TFCP2: variants seen among roughly 807,000 people sequenced by gnomAD.
TFCP2 encodes the protein transcription factor CP2.
A neutral mutation model predicts 73.4 loss-of-function variants in TFCP2; 33 were observed. That is an observed-to-expected ratio of 0.45 (90% CI 0.34 to 0.60). TFCP2 has a LOEUF of 0.60. Ranked by LOEUF, TFCP2 falls within the 20% of genes least tolerant of loss-of-function variation. The pLI, the probability that TFCP2 is intolerant of heterozygous loss-of-function variation, is 0.01. For missense variants in TFCP2, 352 were observed against 604.0 expected (o/e 0.58, Z 4.37); for synonymous variants, 193 against 211.6 (o/e 0.91, Z 0.76).
Position 51,170,920 on chromosome 12 carries a change from C to G in TFCP2, c.122+1381G>C, listed in dbSNP as rs150190415. ...TTCTCGAACTCCTGACCTCGTGATC[C>G]GCCCACCTCAGCCTACCAAAGTGCT... On this transcript the variant is annotated intron_variant, in intron 1 of 14. Transcript: ENST00000257915. 5.3e-5 allele frequency among the ~76,000 whole-genome samples: 8 copies of G among 152,040 alleles called. No individual in the cohort carries two copies. In the East Asian group the frequency reaches 1.5e-3, roughly 29 times the overall value.
At position 51,099,672 on chromosome 12, in the gene TFCP2, G is replaced by C. The variant is rs746437012; in HGVS notation, c.1259C>G (p.Ser420Ter). The C allele has an allele frequency of 2.5e-6, 4 of 1,614,092 alleles. No individual in the cohort carries two copies. Among genetic ancestry groups the C allele is most frequent in the Non-Finnish European group, 3.4e-6 (4 of 1,180,032 alleles). Residue 420 changes from serine to a stop codon, truncating the protein, a stop_gained, in exon 12 of 15, where the codon TCA (serine) becomes TGA (stop). Transcript: ENST00000257915. LOFTEE classifies it high-confidence loss of function. The part of the protein sequence containing the change: ...QQQQKHEDGD[S>*]NGTFFVYHAI... ...CAACCTACCGAAGAAAGTACCATTT[G>C]AGTCTCCATCCTCATGCTTCTGCTG...
At chr12:51,158,147 T>C (rs1321910555) in intron 1 of TFCP2, among the ~76,000 whole-genome samples, 2 of 152,118 alleles carry the variant, frequency 1.3e-5, no homozygotes, top group Non-Finnish European at 2.9e-5. Context: ...TAGCTAGGAC[T>C]ACAGGAATAT....
intron 1 of TFCP2, among the ~76,000 whole-genome samples, chr12:51,121,040 T>A (rs796216696): frequency 4.8e-5 from 7 of 146,932 alleles, no homozygotes; most frequent in South Asian, 2.2e-4. Context: ...AAGTTTTTTT[T>A]AAAAAAGAAA....
At chr12:51,110,168 CA>C (rs1408526052) in intron 5 of TFCP2, among the ~76,000 whole-genome samples, 1 of 152,130 alleles carries the variant, frequency 6.6e-6, no homozygotes, top group Non-Finnish European at 1.5e-5. Flanking sequence ...ATAATTACTA[CA>C]AATAAGGATT....
At chr12:51,100,193 T>C (rs1297006357) in intron 11 of TFCP2, among the ~76,000 whole-genome samples, 2 of 152,206 alleles carry the variant, frequency 1.3e-5, no homozygotes, top group African/African-American at 4.8e-5. Flanking sequence ...GTGTAAAAGT[T>C]AGAAATAGTC....
intron 13 of TFCP2, 67 bp downstream of exon 13, chr12:51,098,709 C>A: frequency 6.4e-7 from 1 of 1,554,844 alleles, no homozygotes; most frequent in Non-Finnish European, 8.8e-7. Flanking sequence ...CCCAGGAGAA[C>A]TGCTCTTGCT....
chr12:51,109,608 GAA>G (rs1940343218), intron 5 of TFCP2, among the ~76,000 whole-genome samples: 1 of 152,074 alleles, frequency 6.6e-6, no homozygotes, highest in Non-Finnish European at 1.5e-5. Context: ...GAAGATTGTA[GAA>G]AGAGGAGTCA....
At chr12:51,106,659 C>T (rs1317783074) in intron 7 of TFCP2, 46 bp from the exon 8 acceptor site, 1 of 1,492,864 alleles carries the variant, frequency 6.7e-7, no homozygotes, top group East Asian at 2.3e-5. Context: ...ACATATGACC[C>T]CAGGATTTGA....
intron 1 of TFCP2, among the ~76,000 whole-genome samples, chr12:51,137,674 T>C (rs1941091388): frequency 6.6e-6 from 1 of 152,156 alleles, no homozygotes; most frequent in Non-Finnish European, 1.5e-5. Flanking sequence ...AGGCAAAAAA[T>C]GGCAACTCGC....
chr12:51,172,384 C>T lies in TFCP2; in HGVS notation c.39G>A (p.Val13=). 1 of 1,614,174 alleles carries T rather than the reference C, an allele frequency of 6.2e-7. No individual in the cohort carries two copies. The highest frequency in any genetic ancestry group is 1.1e-5 in the South Asian group (1 of 91,066). ...WALKLPLADE[V]IESGLVQDFD... ...AGTCCTGCACCAACCCGGATTCAAT[C>T]ACTTCGTCGGCCAGAGGCAGCTTCA... The change falls in exon 1 of 15, where the codon GTG becomes GTA. Residue 13 remains valine (V), a synonymous_variant. Transcript: ENST00000257915.
Position 51,110,215 on chromosome 12 carries a change from G to A in TFCP2, c.564+662C>T, listed in dbSNP as rs908533915. ...CTACCCAAAGAACATAATCAGATAC[G>A]CAAATCAAATTTTAAGTATAAATAT... On this transcript the variant is annotated intron_variant, in intron 5 of 14. Transcript: ENST00000257915. Among the ~76,000 whole-genome samples, 8 of 152,138 alleles carry A rather than the reference G, an allele frequency of 5.3e-5. No homozygotes were observed. In the South Asian group the frequency reaches 1.7e-3, roughly 32 times the overall value.
intron 1 of TFCP2, among the ~76,000 whole-genome samples, chr12:51,128,491 A>AC (rs1566214515): frequency 6.7e-6 from 1 of 149,354 alleles, no homozygotes; most frequent in Non-Finnish European, 1.5e-5. Flanking sequence ...AAAAAAAAAA[A>AC]ACAAAAAAAA....
intron 1 of TFCP2, among the ~76,000 whole-genome samples, chr12:51,125,797 TAAAG>T (rs1940799272): frequency 2.0e-5 from 3 of 152,158 alleles, no homozygotes; most frequent in Admixed American, 2.0e-4. Flanking sequence ...GATCAAAATA[TAAAG>T]ATACAGAAAT....
intron 13 of TFCP2, among the ~76,000 whole-genome samples, chr12:51,097,994 G>A (rs1387628970): frequency 1.3e-5 from 2 of 151,676 alleles, no homozygotes; most frequent in Non-Finnish European, 2.9e-5. Context: ...CAGCCTGGGC[G>A]ACAGAGTGAG....
At chr12:51,125,199 G>A in intron 1 of TFCP2, 2 of 658,326 alleles carry the variant, frequency 3.0e-6, no homozygotes. Flanking sequence ...ATTACGTGGT[G>A]GAGAAAGGCA....
chr12:51,128,862 T>C (rs915871836), intron 1 of TFCP2, among the ~76,000 whole-genome samples: 1 of 152,190 alleles, frequency 6.6e-6, no homozygotes, highest in African/African-American at 2.4e-5. Flanking sequence ...GACAGGTATC[T>C]GGGATGGGAA....
chr12:51,117,479 T>C (rs1219573129), intron 3 of TFCP2, among the ~76,000 whole-genome samples, 192 bp downstream of exon 3: 1 of 152,168 alleles, frequency 6.6e-6, no homozygotes, highest in Non-Finnish European at 1.5e-5. Context: ...GAAAAATTCA[T>C]GTGAATACTG....
At chr12:51,123,588 TTTTTTA>T (rs1940734383) in intron 1 of TFCP2, among the ~76,000 whole-genome samples, 1 of 152,302 alleles carries the variant, frequency 6.6e-6, no homozygotes, top group East Asian at 1.9e-4. Context: ...TTTAATTCAT[TTTTTTA>T]TTTTTATTTT....
In TFCP2 at chr12:51,109,113, A is replaced by T; in HGVS notation, c.717+8T>A. 1.2e-6 allele frequency: 2 copies of T among 1,614,016 alleles called. No individual in the cohort carries two copies. The highest frequency in any genetic ancestry group is 1.7e-6 in the Non-Finnish European group (2 of 1,179,870). On this transcript the variant is annotated splice_region_variant and intron_variant, in intron 6 of 14. Coordinates refer to ENST00000257915, the MANE Select transcript of TFCP2 (RefSeq NM_005653.5). ...GAATCCAAGGGCCAGCACATTGCCC[A>T]GGAATACCTTGAAAACTTTGATCTG...
Sources: gnomAD v4.1 joint callset for allele counts (sites outside exome capture counted in the v4.1 genomes callset) on GRCh38, gnomAD v4.1.1 for gene constraint, MANE v1.5 for transcripts, NCBI Gene and HGNC (gene_info 2026-07-23, HGNC 2026-07-21) for gene names.